WWOX: variants seen among roughly 807,000 people sequenced by gnomAD.
WWOX encodes the protein WW domain-containing oxidoreductase.
In WWOX, 69 loss-of-function variants were observed where a neutral mutation model predicts 46.2. The observed-to-expected ratio is 1.49, with a 90% confidence interval of 1.23 to 1.82. The LOEUF (loss-of-function observed/expected upper bound fraction) is 1.82. Among genes scored for constraint, WWOX ranks in the 40% most tolerant of loss-of-function variants. WWOX has a pLI of 0.00. For synonymous variants in WWOX, 359 were observed against 202.6 expected (o/e 1.77, Z -6.56); for missense variants, 919 against 542.6 (o/e 1.69, Z -6.89).
At position 79,131,949 on chromosome 16, in the gene WWOX, G is replaced by A. The variant is rs1457028033; in HGVS notation, c.1057-79659G>A. 2.6e-5 allele frequency among the ~76,000 whole-genome samples: 4 copies of A among 152,194 alleles called. No homozygotes were observed. In the East Asian group the frequency reaches 7.7e-4, roughly 29 times the overall value. ...GAAACCCCTGTTTTTAAAACCATCA[G>A]ATCTCACGAGACTTATTCACTATCA... On this transcript the variant is annotated intron_variant, in intron 8 of 8. Coordinates refer to ENST00000566780, the MANE Select transcript of WWOX (RefSeq NM_016373.4).
chr16:78,273,876 G>A (rs148029860), intron 5 of WWOX, among the ~76,000 whole-genome samples: 112 of 152,288 alleles, frequency 7.4e-4, no homozygotes, highest in African/African-American at 2.3e-3. Flanking sequence ...AATTCATGAC[G>A]CCTGTGGGGC....
intron 8 of WWOX, among the ~76,000 whole-genome samples, chr16:78,791,664 G>T (rs904403290): frequency 3.9e-5 from 6 of 152,102 alleles, no homozygotes; most frequent in Non-Finnish European, 8.8e-5. Flanking sequence ...GATCACCTGA[G>T]GTCAGAAGTT....
intron 8 of WWOX, among the ~76,000 whole-genome samples, chr16:78,731,830 A>AT (rs1025095053): frequency 3.6e-5 from 5 of 139,874 alleles, no homozygotes; most frequent in Non-Finnish European, 6.0e-5. Context: ...CCCAATGCCA[A>AT]TTTTTTTTCT....
chr16:78,437,339 A>G lies in WWOX; in HGVS notation c.1056+4587A>G, dbSNP rs374758793. Among the ~76,000 whole-genome samples the G allele has an allele frequency of 9.8e-5, 15 of 152,338 alleles. No individual in the cohort carries two copies. In the South Asian group the frequency reaches 2.5e-3, roughly 25 times the overall value. On this transcript the variant is annotated intron_variant, in intron 8 of 8. Coordinates refer to ENST00000566780, the MANE Select transcript of WWOX (RefSeq NM_016373.4). Reference sequence around the variant, plus strand: ...TCTTTAAGGAATATTGTTGCAGATCAGTAATTTTACAATTGGATGTTCTTG... The same window carrying G: ...TCTTTAAGGAATATTGTTGCAGATCGGTAATTTTACAATTGGATGTTCTTG...
chr16:78,109,743 C>T, intron 2 of WWOX, 35 bp from the exon 3 acceptor site: 2 of 1,613,198 alleles, frequency 1.2e-6, no homozygotes, highest in South Asian at 1.1e-5. Context: ...TTACTTCTCC[C>T]TGGCACCTGT....
chr16:78,736,197 G>A (rs74029948), intron 8 of WWOX, among the ~76,000 whole-genome samples: 4,031 of 152,300 alleles, frequency 0.026, 158 homozygotes, highest in African/African-American at 0.092. Context: ...TATCCTTGGG[G>A]GGCTCTGGAA....
intron 8 of WWOX, among the ~76,000 whole-genome samples, chr16:78,680,758 G>T (rs1175287296): frequency 6.6e-6 from 1 of 152,188 alleles, no homozygotes; most frequent in Non-Finnish European, 1.5e-5. Flanking sequence ...CCATTGCACA[G>T]TTTGGGTATG....
chr16:78,263,994 A>ATTTTTTTTTTTTTTTTTTT (rs1597419237), intron 5 of WWOX, among the ~76,000 whole-genome samples: 1 of 41,490 alleles, frequency 2.4e-5, no homozygotes, highest in Admixed American at 2.1e-4. Flanking sequence ...TGGCTGTGAA[A>ATTTTTTTTTTTTTTTTTTT]TCTTTTTTTT....
At chr16:78,372,865 A>T (rs904088491) in intron 5 of WWOX, among the ~76,000 whole-genome samples, 5 of 152,178 alleles carry the variant, frequency 3.3e-5, no homozygotes, top group Admixed American at 2.6e-4. Context: ...CCTCTCTTTC[A>T]GCACAGTAGC....
chr16:78,256,792 C>T (rs1418039011), intron 5 of WWOX, among the ~76,000 whole-genome samples: 1 of 152,038 alleles, frequency 6.6e-6, no homozygotes, highest in East Asian at 1.9e-4. Flanking sequence ...CAGACGCCCC[C>T]CTTTAGAATC....
chr16:78,839,502 G>C (rs151154308), intron 8 of WWOX, among the ~76,000 whole-genome samples: 1 of 152,200 alleles, frequency 6.6e-6, no homozygotes, highest in African/African-American at 2.4e-5. Flanking sequence ...TTATGTACAG[G>C]GCTGTGACTT....
intron 6 of WWOX, among the ~76,000 whole-genome samples, chr16:78,403,488 T>C (rs1435777065): frequency 1.3e-5 from 2 of 152,316 alleles, no homozygotes; most frequent in African/African-American, 2.4e-5. Context: ...CTACGAAATA[T>C]AATGTTAATT....
intron 8 of WWOX, among the ~76,000 whole-genome samples, chr16:79,015,894 G>C (rs879829518): frequency 6.6e-6 from 1 of 152,142 alleles, no homozygotes; most frequent in Non-Finnish European, 1.5e-5. Flanking sequence ...TGGTACTAAG[G>C]CATGTGCCAC....
chr16:78,862,871 C>G (rs552622418), intron 8 of WWOX, among the ~76,000 whole-genome samples: 9 of 152,138 alleles, frequency 5.9e-5, no homozygotes, highest in African/African-American at 1.4e-4. Flanking sequence ...CATGGACACA[C>G]TAGAGATAAT....
At chr16:78,376,767 G>C (rs1567534940) in intron 5 of WWOX, among the ~76,000 whole-genome samples, 1 of 152,094 alleles carries the variant, frequency 6.6e-6, no homozygotes, top group Non-Finnish European at 1.5e-5. Context: ...CAGTTAGAAT[G>C]GCCTCTGGTT....
Position 78,339,306 on chromosome 16 carries a change from G to A in WWOX, c.517-47554G>A, listed in dbSNP as rs769699455. ...TTTAGAAATTTGCTGAGTTTGTGATGTACCTATCATTCAACCTCAAACTTT... is the reference window on the plus strand; with the variant it reads ...TTTAGAAATTTGCTGAGTTTGTGATATACCTATCATTCAACCTCAAACTTT... On this transcript the variant is annotated intron_variant, in intron 5 of 8. Transcript: ENST00000566780. Among the ~76,000 whole-genome samples, 3 of 110,220 alleles carry A rather than the reference G, an allele frequency of 2.7e-5. 1 individual carries two copies. The highest frequency in any genetic ancestry group is 2.0e-4 in the East Asian group (1 of 4,920). The allele number at this position is 110,220 out of a possible 152,430, so 72.3% of individuals were successfully genotyped here.
At chr16:79,087,419 A>C (rs1170685610) in intron 8 of WWOX, among the ~76,000 whole-genome samples, 1 of 152,238 alleles carries the variant, frequency 6.6e-6, no homozygotes, top group Non-Finnish European at 1.5e-5. Context: ...TTTGAGAGTC[A>C]CATTGGGTGG....
chr16:78,164,706 A>T (rs966875016), intron 5 of WWOX, among the ~76,000 whole-genome samples: 1 of 152,238 alleles, frequency 6.6e-6, no homozygotes, highest in Non-Finnish European at 1.5e-5. Flanking sequence ...ACGTGTCTAC[A>T]TAAATATTTA....
rs139550886 is a variant in WWOX at position 78,515,475 on chromosome 16, G to C, written c.1056+82723G>C. Among the ~76,000 whole-genome samples the C allele has an allele frequency of 2.5e-4, 38 of 152,248 alleles. 1 individual carries two copies. Among genetic ancestry groups the C allele is most frequent in the African/African-American group, 8.9e-4 (37 of 41,542 alleles). ...CAGCTCTTTTTATTTATTTCTAATG[G>C]TTTGCTTGGTGTACTGGTCATTTCC... On this transcript the variant is annotated intron_variant, in intron 8 of 8. Transcript: ENST00000566780.
Sources: allele counts gnomAD v4.1 joint callset (sites outside exome capture counted in the v4.1 genomes callset), GRCh38; gene constraint gnomAD v4.1.1; transcripts MANE v1.5; gene names NCBI Gene and HGNC (gene_info 2026-07-23, HGNC 2026-07-21).